PCDHGA3: variants seen among roughly 807,000 people sequenced by gnomAD.
The protein encoded by PCDHGA3 is protocadherin gamma subfamily A, 3, also known as protocadherin gamma-A3.
A neutral mutation model predicts 58.5 loss-of-function variants in PCDHGA3; 40 were observed. That is an observed-to-expected ratio of 0.68 (90% CI 0.53 to 0.89). PCDHGA3 has a LOEUF of 0.89. Ranked by LOEUF, PCDHGA3 falls within the 40% of genes least tolerant of loss-of-function variation. PCDHGA3 has a pLI of 0.00. For missense variants in PCDHGA3, 1,223 were observed against 1,195.9 expected (o/e 1.02, Z -0.33); for synonymous variants, 530 against 525.7 (o/e 1.01, Z -0.11).
Position 141,489,084 on chromosome 5 carries a change from C to CCG in PCDHGA3, c.2425-5723_2425-5722insCG. On this transcript the variant is annotated intron_variant, in intron 1 of 3. Coordinates refer to ENST00000253812, the MANE Select transcript of PCDHGA3 (RefSeq NM_018916.4). The surrounding 1 kb of genome is among the most constrained non-coding windows in gnomAD (Gnocchi z 4.5). ...CTCCCCCCTGCCCACCCCCGCCACT[C>CCG]GGTGACTAAGAACTGCTGCAAGCAG... 9.1e-6 allele frequency: 3 copies of CCG among 329,130 alleles called. No individual in the cohort carries two copies. The highest frequency in any genetic ancestry group is 5.4e-6 in the Non-Finnish European group (1 of 186,464). The allele number at this position is 329,130 out of a possible 1,614,324, so 20.4% of individuals were successfully genotyped here. A position where few individuals can be genotyped will look rare whatever the true frequency, so the allele number is the denominator to read the frequency against.
At position 141,344,977 on chromosome 5, in the gene PCDHGA3, A is replaced by G. The variant is rs368613508; in HGVS notation, c.944A>G (p.Tyr315Cys). 14 of 1,613,822 alleles carry G rather than the reference A, an allele frequency of 8.7e-6. No homozygotes were observed. The African/African-American group carries it at 1.6e-4, about 18-fold the overall frequency. ...CTAGATTATGAGGATGCCATGTTCT[A>G]TGAAATTAAAATTGAAGCACAGGAT... ...KSLDYEDAMF[Y>C]EIKIEAQDGP... The change falls in exon 1 of 4, where the codon TAT (tyrosine) becomes TGT (cysteine). Residue 315 changes from tyrosine to cysteine, a missense_variant. Physicochemically the swap from Tyr to Cys is radical, Grantham distance 194. Around this residue, in one of 3 missense-constraint regions of PCDHGA3, gnomAD observed 791 missense variants for 708.5 expected, o/e 1.12. Transcript: ENST00000253812.
intron 1 of PCDHGA3, chr5:141,385,016 C>T (rs536780147): frequency 1.2e-6 from 2 of 1,614,068 alleles, no homozygotes; most frequent in African/African-American, 1.3e-5. Flanking sequence ...GTCTTCCTAG[C>T]CTTCGTCCTC....
chr5:141,389,356 C>T lies in PCDHGA3; in HGVS notation c.2424+42899C>T, dbSNP rs188323445. 2.1e-5 allele frequency: 34 copies of T among 1,613,916 alleles called. No homozygotes were observed. The Middle Eastern group carries it at 1.6e-3, about 78-fold the overall frequency. ...GGCCAAGTCTCTTACTGCATCATGG[C>T]CAGTGACCTGGAGCAGCGGGAGCTG... On this transcript the variant is annotated intron_variant, in intron 1 of 3. Transcript: ENST00000253812.
intron 1 of PCDHGA3, chr5:141,383,793 A>C (rs1348224147): frequency 5.6e-6 from 9 of 1,613,998 alleles, no homozygotes; most frequent in Admixed American, 1.7e-5. Flanking sequence ...ACTCGCTTAC[A>C]GGAGAAATAT....
At chr5:141,430,100 C>T (rs6874907) in intron 1 of PCDHGA3, among the ~76,000 whole-genome samples, 7,606 of 152,160 alleles carry the variant, frequency 0.05, 372 homozygotes, top group African/African-American at 0.13. Context: ...GATTTTTAAG[C>T]GTTACATGTC....
intron 1 of PCDHGA3, among the ~76,000 whole-genome samples, chr5:141,368,272 C>G (rs1227481804): frequency 1.3e-5 from 2 of 152,064 alleles, no homozygotes; most frequent in Non-Finnish European, 2.9e-5. Flanking sequence ...ATTAAAGAAC[C>G]TAAGACCACT....
At position 141,394,998 on chromosome 5, in the gene PCDHGA3, G is replaced by T. The variant is rs774774010; in HGVS notation, c.2424+48541G>T. On this transcript the variant is annotated intron_variant, in intron 1 of 3. Transcript: ENST00000253812. ...CAAGTCACGCCTGCTCCAGGATTCC[G>T]GTGGCAGATTGGTAGGCGTGCCTGC... The T allele has an allele frequency of 2.7e-5, 44 of 1,613,892 alleles. No homozygotes were observed. Among genetic ancestry groups the T allele is most frequent in the Non-Finnish European group, 3.1e-5 (36 of 1,179,930 alleles).
chr5:141,468,374 C>T (rs1340499708), intron 1 of PCDHGA3: 2 of 150,736 alleles, frequency 1.3e-5, no homozygotes, highest in Non-Finnish European at 3.0e-5. Context: ...ATAACTCAGC[C>T]ATACAAGGCT....
intron 1 of PCDHGA3, chr5:141,393,190 T>C: frequency 6.2e-7 from 1 of 1,613,384 alleles, no homozygotes; most frequent in Non-Finnish European, 8.5e-7. Flanking sequence ...ATAATTGATA[T>C]TAACGATAAT....
intron 1 of PCDHGA3, chr5:141,365,650 G>A (rs1764040779): frequency 6.2e-7 from 1 of 1,613,296 alleles, no homozygotes; most frequent in South Asian, 1.1e-5. Flanking sequence ...ACATCCCCTT[G>A]AAAGTAGCAG....
chr5:141,495,977 T>C (rs2099765025), intron 2 of PCDHGA3, among the ~76,000 whole-genome samples: 1 of 152,174 alleles, frequency 6.6e-6, no homozygotes, highest in Admixed American at 6.5e-5. Flanking sequence ...TCTGTTACTC[T>C]TTCTTTATCT....
chr5:141,345,274 A>T lies in PCDHGA3; in HGVS notation c.1241A>T (p.Gln414Leu). 6.2e-7 allele frequency: 1 copy of T among 1,614,020 alleles called. No individual in the cohort carries two copies. The highest frequency in any genetic ancestry group is 8.5e-7 in the Non-Finnish European group (1 of 1,179,898). Residue 414 changes from glutamine to leucine, a missense_variant, in exon 1 of 4, where the codon CAA becomes CTA. Transcript: ENST00000253812. ...ACGGCCACATCCCTGGACCGCGAAC[A>T]AATATCAGAATATAACATTAGTCTG... is the stretch of plus-strand genomic sequence containing the variant. ...LVTATSLDRE[Q>L]ISEYNISLRA...
intron 1 of PCDHGA3, chr5:141,389,425 C>T (rs1464186383): frequency 3.1e-6 from 5 of 1,613,500 alleles, no homozygotes; most frequent in Admixed American, 1.7e-5. Flanking sequence ...GTGGTGTTCG[C>T]GCAGCGCGCC....
chr5:141,385,282 G>A lies in PCDHGA3; in HGVS notation c.2424+38825G>A, dbSNP rs769141713. ...GAAAAATGATTCTTTGCTAACATCC[G>A]TAGATTTTCAGGAATGTAAAGAAAA... On this transcript the variant is annotated intron_variant, in intron 1 of 3. Transcript: ENST00000253812. 9.3e-6 allele frequency: 15 copies of A among 1,613,370 alleles called. No homozygotes were observed. The Admixed American group carries it at 1.8e-4, about 20-fold the overall frequency.
At position 141,485,044 on chromosome 5, in the gene PCDHGA3, G is replaced by A; in HGVS notation, c.2425-9763G>A. 2 of 737,674 alleles carry A rather than the reference G, an allele frequency of 2.7e-6. No individual in the cohort carries two copies. The highest frequency in any genetic ancestry group is 1.8e-5 in the African/African-American group (1 of 56,792). The allele number at this position is 737,674 out of a possible 1,614,324, so 45.7% of individuals were successfully genotyped here. A position where few individuals can be genotyped will look rare whatever the true frequency, so the allele number is the denominator to read the frequency against. ...GCAAAAACGGCGCGTAACCCTTGCG[G>A]CGCCGGCCGAACCGCGCCAGAGCTG... On this transcript the variant is annotated intron_variant, in intron 1 of 3. Coordinates refer to ENST00000253812, the MANE Select transcript of PCDHGA3 (RefSeq NM_018916.4). This position sits in a 1 kb window ranked among gnomAD's most constrained non-coding sequence, Gnocchi z 5.7.
chr5:141,466,358 A>T (rs1210013683), intron 1 of PCDHGA3, among the ~76,000 whole-genome samples: 3 of 152,066 alleles, frequency 2.0e-5, no homozygotes, highest in Non-Finnish European at 4.4e-5. Context: ...GCTAATCTAG[A>T]TGTAATGGTT....
intron 1 of PCDHGA3, chr5:141,392,164 A>C (rs2092476759): frequency 1.3e-5 from 2 of 152,244 alleles, no homozygotes; most frequent in African/African-American, 4.8e-5. Flanking sequence ...ACAATTTCTG[A>C]GTCAGTCATC....
At chr5:141,350,435 T>C (rs1758474649) in intron 1 of PCDHGA3, 17 of 1,609,526 alleles carry the variant, frequency 1.1e-5, no homozygotes, top group South Asian at 4.4e-5. Flanking sequence ...TGTCCGGGAG[T>C]TGCCAACTCG....
intron 1 of PCDHGA3, chr5:141,421,969 T>C (rs1039340340): frequency 1.2e-6 from 2 of 1,611,188 alleles, no homozygotes; most frequent in Admixed American, 1.7e-5. Flanking sequence ...ACAGTCCGTA[T>C]ATCGCGTGAG....
Sources: allele counts gnomAD v4.1 joint callset (sites outside exome capture counted in the v4.1 genomes callset), GRCh38; gene constraint gnomAD v4.1.1; regional missense constraint gnomAD v4.1.1; non-coding constraint Gnocchi (gnomAD v3.1); transcripts MANE v1.5; gene names NCBI Gene and HGNC (gene_info 2026-07-23, HGNC 2026-07-21).